NBEA: variants seen among roughly 807,000 people sequenced by gnomAD.
The protein encoded by NBEA is neurobeachin.
NBEA carries 44 observed loss-of-function variants against 343.4 expected under a neutral mutation model. The ratio of observed to expected loss-of-function variants is 0.13; its 90% CI spans 0.10 to 0.16. The LOEUF (loss-of-function observed/expected upper bound fraction) is 0.16, where lower values mean the gene tolerates loss of function less well. NBEA is among the 10% of genes least tolerant of loss of function. The pLI is 1.00. For missense variants in NBEA, 2,555 were observed against 3,631.3 expected (o/e 0.70, Z 7.62); for synonymous variants, 1,175 against 1,238.7 (o/e 0.95, Z 1.08).
In NBEA at chr13:35,649,650, AAC is replaced by A; in HGVS notation, c.7771-3_7771-2del. The A allele has an allele frequency of 6.2e-7, 1 of 1,608,740 alleles. No homozygotes were observed. Among genetic ancestry groups the A allele is most frequent in the East Asian group, 2.2e-5 (1 of 44,834 alleles). Reference sequence around the variant, plus strand: ...CCTCTGTTCTCTTCCCTTTCTATTCAACAGTGTTTCCTTCCACAGAGTCCGCT... The same window carrying A: ...CCTCTGTTCTCTTCCCTTTCTATTCAAGTGTTTCCTTCCACAGAGTCCGCT... On this transcript the variant is annotated splice_polypyrimidine_tract_variant and splice_region_variant and intron_variant, in intron 51 of 58. Transcript: ENST00000379939.
At chr13:35,332,208 A>T (rs1361876266) in intron 36 of NBEA, among the ~76,000 whole-genome samples, 2 of 152,110 alleles carry the variant, frequency 1.3e-5, no homozygotes, top group Admixed American at 6.6e-5. Flanking sequence ...AAGACTTTTT[A>T]AAAGAAAATA....
intron 55 of NBEA, among the ~76,000 whole-genome samples, chr13:35,660,044 T>C (rs2085006283): frequency 6.6e-6 from 1 of 152,218 alleles, no homozygotes; most frequent in South Asian, 2.1e-4. Flanking sequence ...TGAGCCTCTC[T>C]TTGCAATATA....
intron 11 of NBEA, among the ~76,000 whole-genome samples, chr13:35,108,466 T>C (rs1328501556): frequency 1.3e-5 from 2 of 152,048 alleles, no homozygotes; most frequent in African/African-American, 2.4e-5. Context: ...AAAATACAGG[T>C]GGTATTAATT....
chr13:35,542,135 T>C (rs556360669), intron 41 of NBEA, among the ~76,000 whole-genome samples: 1 of 121,076 alleles, frequency 8.3e-6, no homozygotes, highest in Admixed American at 9.0e-5. Context: ...TTTCCCCCAA[T>C]TGTAGGATGT....
intron 11 of NBEA, 71 bp from the exon 12 acceptor site, chr13:35,109,219 A>G: frequency 7.3e-7 from 1 of 1,371,980 alleles, no homozygotes; most frequent in African/African-American, 1.5e-5. Flanking sequence ...ATGTGTCCTT[A>G]TGCTAAATCA....
intron 34 of NBEA, among the ~76,000 whole-genome samples, chr13:35,267,142 G>A (rs2033749764): frequency 6.6e-6 from 1 of 151,854 alleles, no homozygotes; most frequent in African/African-American, 2.4e-5. Context: ...TTGTCTTGCT[G>A]TCTCTTGGGT....
At chr13:35,003,023 C>G (rs73487626) in intron 1 of NBEA, among the ~76,000 whole-genome samples, 6 of 152,038 alleles carry the variant, frequency 3.9e-5, no homozygotes, top group Admixed American at 1.3e-4. Flanking sequence ...AATAAGAGAG[C>G]GTTCTCCAGC....
intron 38 of NBEA, among the ~76,000 whole-genome samples, chr13:35,373,433 C>T (rs61948715): frequency 0.12 from 18,465 of 152,100 alleles, 1,463 homozygotes; most frequent in African/African-American, 0.23. Flanking sequence ...TGGCCAGGCA[C>T]GGTGGCTTAC....
chr13:35,502,856 A>G (rs919653240), intron 41 of NBEA, among the ~76,000 whole-genome samples: 1 of 152,074 alleles, frequency 6.6e-6, no homozygotes, highest in Admixed American at 6.6e-5. Context: ...GCTCCAAAGG[A>G]GCTATAAATG....
At chr13:35,210,998 A>T in intron 32 of NBEA, 55 bp from the exon 33 acceptor site, 3 of 1,512,168 alleles carry the variant, frequency 2.0e-6, no homozygotes, top group Admixed American at 2.2e-5. Context: ...GGTGTAATTA[A>T]AATTTTTTTA....
chr13:35,060,538 G>A (rs542026171), intron 8 of NBEA, among the ~76,000 whole-genome samples: 31 of 151,752 alleles, frequency 2.0e-4, no homozygotes, highest in African/African-American at 5.8e-4. Context: ...GTAAATTTGG[G>A]CATTACATCA....
At chr13:35,403,190 T>G (rs2043077358) in intron 38 of NBEA, among the ~76,000 whole-genome samples, 1 of 151,334 alleles carries the variant, frequency 6.6e-6, no homozygotes, top group South Asian at 2.1e-4. Flanking sequence ...AAAAATTAAT[T>G]AAAATAAATT....
chr13:35,281,412 G>C (rs1397908038), intron 34 of NBEA, among the ~76,000 whole-genome samples: 2 of 152,044 alleles, frequency 1.3e-5, no homozygotes, highest in Non-Finnish European at 2.9e-5. Flanking sequence ...AGTTTAGTTT[G>C]TTTTTTCAGG....
intron 41 of NBEA, among the ~76,000 whole-genome samples, chr13:35,518,466 T>C (rs1428390767): frequency 6.6e-6 from 1 of 152,120 alleles, no homozygotes; most frequent in Non-Finnish European, 1.5e-5. Context: ...CCAAAGTCTG[T>C]GGTTTTCCAC....
intron 48 of NBEA, among the ~76,000 whole-genome samples, chr13:35,606,799 G>A (rs2082298345): frequency 6.6e-6 from 1 of 152,152 alleles, no homozygotes; most frequent in Admixed American, 6.5e-5. Flanking sequence ...TAAAGCAATG[G>A]TAATTCAGTT....
chr13:35,517,115 C>A (rs1280895131), intron 41 of NBEA, among the ~76,000 whole-genome samples: 1 of 152,016 alleles, frequency 6.6e-6, no homozygotes, highest in Non-Finnish European at 1.5e-5. Flanking sequence ...TTTTTCTGCC[C>A]ACATATTCCT....
intron 34 of NBEA, among the ~76,000 whole-genome samples, chr13:35,255,009 T>C (rs1029934049): frequency 8.5e-5 from 13 of 152,188 alleles, no homozygotes. Context: ...TTACTAAAGT[T>C]TTACCTGTTG....
intron 34 of NBEA, among the ~76,000 whole-genome samples, chr13:35,234,021 A>G (rs972141528): frequency 2.0e-5 from 3 of 152,276 alleles, no homozygotes; most frequent in African/African-American, 4.8e-5. Context: ...TGCAGAGAGA[A>G]TAGTCAGTAC....
intron 36 of NBEA, among the ~76,000 whole-genome samples, chr13:35,319,712 T>C (rs756421112): frequency 2.0e-5 from 3 of 152,298 alleles, no homozygotes; most frequent in Non-Finnish European, 4.4e-5. Context: ...CCCACTATTA[T>C]TGCGTAGGAG....
Sources: allele counts gnomAD v4.1 joint callset (sites outside exome capture counted in the v4.1 genomes callset), GRCh38; gene constraint gnomAD v4.1.1; transcripts MANE v1.5; gene names NCBI Gene and HGNC (gene_info 2026-07-23, HGNC 2026-07-21).